Variants in GSDMA observed in about 807,000 individuals in gnomAD.
GSDMA encodes gasdermin A.
A neutral mutation model predicts 54.3 loss-of-function variants in GSDMA; 55 were observed. That is an observed-to-expected ratio of 1.01 (90% confidence interval 0.82 to 1.27). The LOEUF is 1.27. GSDMA is among the 50% of genes most tolerant of loss of function. GSDMA has a pLI of 0.00. For synonymous variants in GSDMA, 211 were observed against 224.7 expected (o/e 0.94, Z 0.54); for missense variants, 542 against 542.6 (o/e 1.00, Z 0.01).
intron 3 of GSDMA, among the ~76,000 whole-genome samples, chr17:39,968,339 CTTTTTTTTTT>C (rs60315845): frequency 1.5e-4 from 6 of 41,364 alleles, no homozygotes; most frequent in African/African-American, 8.1e-4. Flanking sequence ...TGAGCCCGGT[CTTTTTTTTTT>C]TTTTTTTTTT....
At chr17:39,971,712 G>A in intron 5 of GSDMA, 92 bp downstream of exon 5, 1 of 885,488 alleles carries the variant, frequency 1.1e-6, no homozygotes, top group South Asian at 1.4e-5. Flanking sequence ...AAATGTCAGA[G>A]AATGAGTAGG....
chr17:39,973,417 G>A (rs773310073), intron 7 of GSDMA, among the ~76,000 whole-genome samples: 3 of 149,026 alleles, frequency 2.0e-5, no homozygotes, highest in African/African-American at 5.0e-5. Flanking sequence ...TAACAGGCGC[G>A]GGCCACCACA....
Position 39,976,009 on chromosome 17 carries a change from A to G in GSDMA, c.1095+12A>G. On this transcript the variant is annotated intron_variant, in intron 11 of 11. Coordinates refer to ENST00000301659, the MANE Select transcript of GSDMA (RefSeq NM_178171.5). ...TGCAGCTAAAGCTGGTGAGGGAAAA[A>G]CAGCAGATGCTGGGGAGAGTCTGGG... 1 of 1,573,966 alleles carries G rather than the reference A, an allele frequency of 6.4e-7. No individual in the cohort carries two copies. Among genetic ancestry groups the G allele is most frequent in the Non-Finnish European group, 8.6e-7 (1 of 1,157,554 alleles).
chr17:39,964,396 CT>C (rs1435930875), intron 1 of GSDMA, among the ~76,000 whole-genome samples: 2 of 152,088 alleles, frequency 1.3e-5, no homozygotes, highest in African/African-American at 4.8e-5. Flanking sequence ...TGGTGAAACC[CT>C]GTCTCCATTA....
In GSDMA at chr17:39,965,837, G is replaced by A. The variant is rs1307826236; in HGVS notation, c.150G>A (p.Gly50=). The A allele has an allele frequency of 1.9e-6, 3 of 1,576,736 alleles. No individual in the cohort carries two copies. Among genetic ancestry groups the A allele is most frequent in the South Asian group, 2.3e-5 (2 of 86,008 alleles). The change falls in exon 2 of 12, where the codon GGG becomes GGA. Residue 50 remains glycine, a synonymous_variant. Coordinates refer to ENST00000301659, the MANE Select transcript of GSDMA (RefSeq NM_178171.5). ...AGAGGAAGAGCACGCTCTTCTGGGG[G>A]GCCCGGTACGTCCGCACCGACTACA... The part of the protein sequence containing the change: ...LRKRKSTLFW[G]ARYVRTDYTL...
intron 1 of GSDMA, among the ~76,000 whole-genome samples, chr17:39,964,226 C>T (rs529378316): frequency 5.3e-5 from 8 of 152,192 alleles, no homozygotes; most frequent in Admixed American, 3.9e-4. Context: ...TCTTCAGATC[C>T]GGAAGCGGGT....
rs976696445 is a variant in GSDMA, at chr17:39,971,605, G to C, written c.640G>C (p.Gly214Arg). 2.5e-6 allele frequency: 4 copies of C among 1,613,640 alleles called. No homozygotes were observed. In the African/African-American group the frequency reaches 4.0e-5, roughly 16 times the overall value. Residue 214 changes from glycine (G) to arginine (R), a missense_variant, in exon 5 of 12, where the codon GGC becomes CGC. Gly to Arg is a moderately radical substitution (Grantham distance 125, BLOSUM62 -2). Coordinates refer to ENST00000301659, the MANE Select transcript of GSDMA (RefSeq NM_178171.5). The stretch of plus-strand genomic sequence containing the variant: ...TCGAGTGAGACAGCTGATGGTCAAA[G>C]GCAAAGATGAGTGGGGTGAGCAGAG... The part of the protein sequence containing the change: ...AFRVRQLMVK[G>R]KDEWDIPHIC...
At chr17:39,964,792 C>G (rs1372423167) in intron 1 of GSDMA, among the ~76,000 whole-genome samples, 1 of 152,014 alleles carries the variant, frequency 6.6e-6, no homozygotes, top group Non-Finnish European at 1.5e-5. Flanking sequence ...CTGGCTATTG[C>G]TAGTCTCTGG....
At position 39,966,454 on chromosome 17, in the gene GSDMA, C is replaced by G; in HGVS notation, c.392+17C>G. On this transcript the variant is annotated intron_variant, in intron 3 of 11. Transcript: ENST00000301659. The stretch of plus-strand genomic sequence containing the variant: ...GCAGGAGAGGTGAGAGTGGGCGGGA[C>G]TGAGGGTCTCCCGGGATGTGGGTGG... 1 of 1,580,374 alleles carries G rather than the reference C, an allele frequency of 6.3e-7. No homozygotes were observed.
At chr17:39,973,626 T>C (rs1980061454) in intron 7 of GSDMA, among the ~76,000 whole-genome samples, 184 bp from the exon 8 acceptor site, 1 of 151,646 alleles carries the variant, frequency 6.6e-6, no homozygotes, top group African/African-American at 2.4e-5. Context: ...CATCTGCAAC[T>C]CGGCCGCCCA....
At chr17:39,971,645 C>A (rs1979947774) in intron 5 of GSDMA, 25 bp downstream of exon 5, 1 of 1,563,870 alleles carries the variant, frequency 6.4e-7, no homozygotes. Flanking sequence ...GCATGTTCTC[C>A]CCACAAGATG....
intron 1 of GSDMA, among the ~76,000 whole-genome samples, chr17:39,964,853 G>A (rs931573391): frequency 6.6e-6 from 1 of 152,020 alleles, no homozygotes. Context: ...TAGACCAGGC[G>A]CAGTGGCTCA....
chr17:39,963,303 G>A (rs1327060990), intron 1 of GSDMA, among the ~76,000 whole-genome samples: 1 of 151,586 alleles, frequency 6.6e-6, no homozygotes, highest in Non-Finnish European at 1.5e-5. Flanking sequence ...GTAGCACCAG[G>A]AGGTTGTCCT....
chr17:39,972,607 G>T lies in GSDMA; in HGVS notation c.724G>T (p.Val242Phe), dbSNP rs187128895. The change falls in exon 7 of 12, where the codon GTC becomes TTC. Residue 242 changes from valine to phenylalanine, a missense_variant. Physicochemically the swap from Val to Phe is conservative, Grantham distance 50. Transcript: ENST00000301659. ...PPGEKSGEEK[V>F]ILIQASDVGD... ...TTCAGAAAAGTCAGGAGAGGAGAAG[G>T]TCATCCGTAAGTGTTTCCTTTCATT... is the stretch of plus-strand genomic sequence containing the variant. 107 of 1,612,630 alleles carry T rather than the reference G, an allele frequency of 6.6e-5. 1 individual carries two copies. In the Middle Eastern group the frequency reaches 1.2e-3, roughly 17 times the overall value.
intron 11 of GSDMA, among the ~76,000 whole-genome samples, chr17:39,976,216 T>C (rs1352506509): frequency 2.0e-5 from 3 of 152,170 alleles, no homozygotes; most frequent in Non-Finnish European, 2.9e-5. Context: ...ATTAGCCTGA[T>C]CTTGGGAGAA....
chr17:39,970,761 G>A (rs1159754881), intron 4 of GSDMA, 114 bp downstream of exon 4: 22 of 988,230 alleles, frequency 2.2e-5, no homozygotes, highest in South Asian at 9.2e-5. Flanking sequence ...CCTGATCAGC[G>A]CCCACCGAGG....
intron 1 of GSDMA, among the ~76,000 whole-genome samples, chr17:39,964,201 C>T (rs981427337): frequency 8.5e-5 from 13 of 152,090 alleles, no homozygotes; most frequent in African/African-American, 2.9e-4. Context: ...TGAGCATTAG[C>T]GGAGGACTAG....
chr17:39,977,129 T>C lies in GSDMA; in HGVS notation c.*71T>C. The stretch of plus-strand genomic sequence containing the variant: ...CTCGTGGTGCTGTGTCCTTACCACC[T>C]AAGGGCATTTCAGAGCCATCAGCTG... On this transcript the variant is annotated 3_prime_UTR_variant, in exon 12 of 12. Coordinates refer to ENST00000301659, the MANE Select transcript of GSDMA (RefSeq NM_178171.5). 6.5e-7 allele frequency: 1 copy of C among 1,547,178 alleles called. No homozygotes were observed. The highest frequency in any genetic ancestry group is 8.8e-7 in the Non-Finnish European group (1 of 1,134,144).
intron 3 of GSDMA, 94 bp from the exon 4 acceptor site, chr17:39,970,388 T>G (rs376092416): frequency 1.6e-5 from 19 of 1,202,732 alleles, no homozygotes; most frequent in East Asian, 6.0e-5. Flanking sequence ...GCCACCACAA[T>G]GTCTAGTTCC....
Sources: allele counts gnomAD v4.1 joint callset (sites outside exome capture counted in the v4.1 genomes callset), GRCh38; gene constraint gnomAD v4.1.1; transcripts MANE v1.5; gene names NCBI Gene and HGNC (gene_info 2026-07-23, HGNC 2026-07-21).